Variants in SENP7 observed in about 807,000 individuals in gnomAD.
The protein encoded by SENP7 is SUMO specific peptidase 7, also known as sentrin-specific protease 7.
Under a neutral mutation model 141.2 loss-of-function variants are expected in SENP7, and 64 were observed. That is an observed-to-expected ratio of 0.45 (90% CI 0.37 to 0.56). SENP7 has a LOEUF of 0.56. SENP7 is among the 20% of genes least tolerant of loss of function. SENP7 has a pLI of 0.00. For synonymous variants in SENP7, 382 were observed against 426.4 expected (o/e 0.90, Z 1.28); for missense variants, 1,025 against 1,212.2 (o/e 0.85, Z 2.29).
Position 101,334,548 on chromosome 3 carries a change from T to C in SENP7, c.2481-1686A>G, listed in dbSNP as rs187778909. Among the ~76,000 whole-genome samples, 936 of 152,234 alleles carry C rather than the reference T, an allele frequency of 6.1e-3. 11 individuals carry two copies. The highest frequency in any genetic ancestry group is 0.022 in the African/African-American group (904 of 41,532). On this transcript the variant is annotated intron_variant, in intron 17 of 23. Transcript: ENST00000394095. The stretch of plus-strand genomic sequence containing the variant: ...CTATGGGTAAACATCAGGAGTAACA[T>C]AGGATCCAGAATGAGCTAAAAGATT...
intron 11 of SENP7, among the ~76,000 whole-genome samples, chr3:101,361,096 T>G (rs2059885847): frequency 6.6e-6 from 1 of 151,906 alleles, no homozygotes; most frequent in African/African-American, 2.4e-5. Context: ...TCCCAGCTAC[T>G]CGGGAGGCTG....
At chr3:101,397,122 C>T (rs373239748) in intron 6 of SENP7, among the ~76,000 whole-genome samples, 7 of 152,166 alleles carry the variant, frequency 4.6e-5, no homozygotes, top group Admixed American at 2.6e-4. Context: ...GGATTACAGG[C>T]GTGAGCCACC....
At chr3:101,464,821 G>A (rs1045194638) in intron 3 of SENP7, among the ~76,000 whole-genome samples, 11 of 152,012 alleles carry the variant, frequency 7.2e-5, no homozygotes, top group African/African-American at 1.7e-4. Flanking sequence ...GTTGGGGACC[G>A]CTGGCCTAAA....
intron 6 of SENP7, among the ~76,000 whole-genome samples, chr3:101,398,128 A>G (rs1488519821): frequency 6.6e-6 from 1 of 152,208 alleles, no homozygotes; most frequent in African/African-American, 2.4e-5. Context: ...TTTACTGAGC[A>G]CTAAGTACTA....
intron 1 of SENP7, among the ~76,000 whole-genome samples, chr3:101,510,439 A>G (rs780110236): frequency 2.0e-5 from 3 of 152,228 alleles, no homozygotes; most frequent in Non-Finnish European, 4.4e-5. Flanking sequence ...TCTCACAGAT[A>G]AAACTTCAAA....
chr3:101,512,880 G>A (rs2065918296), intron 1 of SENP7, among the ~76,000 whole-genome samples: 1 of 152,088 alleles, frequency 6.6e-6, no homozygotes. Context: ...TTGAGGTGAA[G>A]AGCGCCCGAG....
At chr3:101,496,578 CTTT>C (rs368850019) in intron 2 of SENP7, among the ~76,000 whole-genome samples, 3 of 133,254 alleles carry the variant, frequency 2.3e-5, no homozygotes, top group Non-Finnish European at 3.2e-5. Context: ...ACTTCAAACA[CTTT>C]TTTTTTTTTT....
intron 3 of SENP7, among the ~76,000 whole-genome samples, chr3:101,483,063 T>C (rs1358839948): frequency 6.6e-6 from 1 of 152,214 alleles, no homozygotes; most frequent in Admixed American, 6.5e-5. Flanking sequence ...AAAATAGACC[T>C]ACCATTTGAA....
intron 5 of SENP7, among the ~76,000 whole-genome samples, chr3:101,407,236 G>C (rs2061331739): frequency 6.6e-6 from 1 of 151,978 alleles, no homozygotes; most frequent in African/African-American, 2.4e-5. Flanking sequence ...AGTCCAACAG[G>C]AAAATATAAA....
intron 6 of SENP7, among the ~76,000 whole-genome samples, chr3:101,391,119 G>C (rs928818838): frequency 1.3e-5 from 2 of 151,916 alleles, no homozygotes; most frequent in African/African-American, 4.8e-5. Flanking sequence ...ATTTATAGCA[G>C]TAAACACCTA....
intron 3 of SENP7, among the ~76,000 whole-genome samples, chr3:101,480,760 A>C (rs184446288): frequency 6.6e-6 from 1 of 152,304 alleles, no homozygotes; most frequent in Non-Finnish European, 1.5e-5. Context: ...TCCAGAATAC[A>C]CAAGGAACTC....
chr3:101,333,471 C>G (rs2059108247), intron 17 of SENP7, among the ~76,000 whole-genome samples: 1 of 152,166 alleles, frequency 6.6e-6, no homozygotes, highest in Non-Finnish European at 1.5e-5. Flanking sequence ...GAGTTTGAGG[C>G]TGTGATCACA....
chr3:101,450,974 C>A (rs2063112354), intron 4 of SENP7, among the ~76,000 whole-genome samples: 1 of 151,798 alleles, frequency 6.6e-6, no homozygotes, highest in East Asian at 1.9e-4. Context: ...ACTAGCAAGA[C>A]TAATAAAGAA....
At chr3:101,454,683 T>C (rs1023204186) in intron 4 of SENP7, among the ~76,000 whole-genome samples, 5 of 152,288 alleles carry the variant, frequency 3.3e-5, no homozygotes, top group African/African-American at 1.2e-4. Flanking sequence ...GAAATACTGA[T>C]ATATGCTACA....
chr3:101,378,366 A>G (rs1463357037), intron 6 of SENP7, among the ~76,000 whole-genome samples: 1 of 152,114 alleles, frequency 6.6e-6, no homozygotes, highest in Non-Finnish European at 1.5e-5. Context: ...GTAATGAAGA[A>G]TGAAAAAGAA....
At chr3:101,367,209 AT>A (rs1372743490) in intron 8 of SENP7, among the ~76,000 whole-genome samples, 1 of 152,156 alleles carries the variant, frequency 6.6e-6, no homozygotes. Context: ...TCAATATCTC[AT>A]TTACTATATA....
chr3:101,361,993 T>A, intron 10 of SENP7, 132 bp from the exon 11 acceptor site: 1 of 960,710 alleles, frequency 1.0e-6, no homozygotes, highest in South Asian at 2.5e-5. Context: ...CTGTTCTTAC[T>A]GTGAAGAAAT....
chr3:101,356,549 T>C (rs1160755656), intron 11 of SENP7, among the ~76,000 whole-genome samples: 1 of 152,208 alleles, frequency 6.6e-6, no homozygotes, highest in Non-Finnish European at 1.5e-5. Context: ...TGTAGATTAG[T>C]TTTTATACTC....
At chr3:101,356,966 C>A (rs994663868) in intron 11 of SENP7, among the ~76,000 whole-genome samples, 4 of 152,056 alleles carry the variant, frequency 2.6e-5, no homozygotes, top group African/African-American at 7.2e-5. Flanking sequence ...GAATTTTTGA[C>A]AGTAATTGCA....
Sources: allele counts gnomAD v4.1 joint callset (sites outside exome capture counted in the v4.1 genomes callset), GRCh38; gene constraint gnomAD v4.1.1; transcripts MANE v1.5; gene names NCBI Gene and HGNC (gene_info 2026-07-23, HGNC 2026-07-21).